Variants in UBE4B observed in about 807,000 individuals in gnomAD.
The protein encoded by UBE4B is ubiquitin conjugation factor E4 B.
A neutral mutation model predicts 148.1 loss-of-function variants in UBE4B; 27 were observed. That is an observed-to-expected ratio of 0.18 (90% CI 0.13 to 0.25). The LOEUF is 0.25. Ranked by LOEUF, UBE4B falls within the 10% of genes least tolerant of loss-of-function variation. The pLI, the probability that UBE4B is intolerant of heterozygous loss-of-function variation, is 1.00. For synonymous variants in UBE4B, 596 were observed against 619.3 expected (o/e 0.96, Z 0.56); for missense variants, 1,170 against 1,662.4 (o/e 0.70, Z 5.15).
chr1:10,107,718 C>T (rs1262089048), intron 7 of UBE4B, among the ~76,000 whole-genome samples: 1 of 151,842 alleles, frequency 6.6e-6, no homozygotes, highest in African/African-American at 2.4e-5. Flanking sequence ...GCTGGGATTA[C>T]AGGCACCCGC....
chr1:10,053,005 C>T (rs1394784018), intron 1 of UBE4B, among the ~76,000 whole-genome samples: 1 of 152,058 alleles, frequency 6.6e-6, no homozygotes, highest in Non-Finnish European at 1.5e-5. Context: ...GGCATTAATC[C>T]GCAGGTCATC....
At chr1:10,179,298 A>C in intron 26 of UBE4B, 118 bp from the exon 27 acceptor site, 7 of 1,286,276 alleles carry the variant, frequency 5.4e-6, no homozygotes, top group African/African-American at 1.5e-5. Flanking sequence ...GGGGCCTCAC[A>C]GGGGCCCTTT....
chr1:10,122,896 A>G (rs1645432964), intron 10 of UBE4B, among the ~76,000 whole-genome samples: 1 of 152,178 alleles, frequency 6.6e-6, no homozygotes, highest in African/African-American at 2.4e-5. Context: ...ACCTAAGATT[A>G]TTTATAACTG....
At chr1:10,111,532 TTCA>T (rs1431000551) in intron 7 of UBE4B, among the ~76,000 whole-genome samples, 1 of 152,176 alleles carries the variant, frequency 6.6e-6, no homozygotes, top group African/African-American at 2.4e-5. Context: ...ACCGTCGTTC[TTCA>T]TCCGCCTGGT....
At chr1:10,041,778 C>T (rs889077604) in intron 1 of UBE4B, among the ~76,000 whole-genome samples, 6 of 152,202 alleles carry the variant, frequency 3.9e-5, no homozygotes, top group African/African-American at 1.4e-4. Context: ...CTCACTGCAA[C>T]CTCCGCCTCC....
At chr1:10,035,829 C>T (rs1489742718) in intron 1 of UBE4B, among the ~76,000 whole-genome samples, 5 of 149,594 alleles carry the variant, frequency 3.3e-5, no homozygotes, top group African/African-American at 4.9e-5. Flanking sequence ...TGCAAAGCTC[C>T]GCTTCCCGGG....
At chr1:10,107,576 CTTTTTTTT>C (rs60975850) in intron 7 of UBE4B, among the ~76,000 whole-genome samples, 2 of 128,288 alleles carry the variant, frequency 1.6e-5, no homozygotes, top group Non-Finnish European at 3.2e-5. Flanking sequence ...TTCTTTCTTT[CTTTTTTTT>C]TTTTTTTTTT....
chr1:10,122,717 A>G (rs1359989617), intron 10 of UBE4B, among the ~76,000 whole-genome samples: 3 of 152,246 alleles, frequency 2.0e-5, no homozygotes, highest in Non-Finnish European at 2.9e-5. Flanking sequence ...CCTGTTTGGG[A>G]AAGTAAGCAC....
At chr1:10,178,542 G>T in intron 25 of UBE4B, 102 bp from the exon 26 acceptor site, 1 of 1,245,874 alleles carries the variant, frequency 8.0e-7, no homozygotes, top group South Asian at 1.8e-5. Context: ...TTTTTTAGTG[G>T]GGGAAAATCC....
Position 10,105,448 on chromosome 1 carries a change from T to C in UBE4B, c.581-68T>C, listed in dbSNP as rs1645089749. On this transcript the variant is annotated intron_variant, in intron 5 of 27. Transcript: ENST00000343090. The stretch of plus-strand genomic sequence containing the variant: ...TCGAACCATTTGGGGTCAGCTGGCT[T>C]ATTCAAGGGCTGTGTAACCTGTGTT... 3.5e-6 allele frequency: 5 copies of C among 1,424,074 alleles called. No homozygotes were observed. In the Admixed American group the frequency reaches 8.4e-5, roughly 24 times the overall value. 88.2% of individuals were successfully genotyped at this position (1,424,074 alleles called of 1,614,324 possible). A position where few individuals can be genotyped will look rare whatever the true frequency, so the allele number is the denominator to read the frequency against.
intron 26 of UBE4B, chr1:10,179,119 A>G: frequency 2.1e-6 from 1 of 482,112 alleles, no homozygotes; most frequent in Non-Finnish European, 3.6e-6. Context: ...TAAGACAAAG[A>G]ATTCCAGCCT....
In UBE4B at chr1:10,173,661, G is replaced by A. The variant is rs532317999; in HGVS notation, c.3525+2332G>A. 7.8e-4 allele frequency among the ~76,000 whole-genome samples: 118 copies of A among 152,228 alleles called. 1 individual carries two copies. Among genetic ancestry groups the A allele is most frequent in the Admixed American group, 3.0e-3 (46 of 15,292 alleles). On this transcript the variant is annotated intron_variant, in intron 25 of 27. Transcript: ENST00000343090. ...GGGTCCACACCTGACTGTAGCTGGC[G>A]TCTCCAGCCCAGCCAGAGGTCGGTG...
intron 18 of UBE4B, among the ~76,000 whole-genome samples, chr1:10,146,583 G>A (rs900805798): frequency 2.6e-5 from 4 of 152,138 alleles, no homozygotes; most frequent in Admixed American, 6.6e-5. Context: ...TTGCCCGAGG[G>A]CAGCTCGTAA....
chr1:10,139,872 G>T (rs965015394), intron 17 of UBE4B, among the ~76,000 whole-genome samples: 4 of 152,268 alleles, frequency 2.6e-5, no homozygotes, highest in African/African-American at 9.6e-5. Context: ...GGGATTACAG[G>T]CATGTGCCAC....
At chr1:10,149,422 A>G (rs1645934856) in intron 20 of UBE4B, 140 bp downstream of exon 20, 1 of 604,666 alleles carries the variant, frequency 1.7e-6, no homozygotes, top group East Asian at 3.2e-5. Context: ...TAGAGACTGG[A>G]AAAAATAAAT....
In UBE4B at chr1:10,053,747, G is replaced by C. The variant is rs377088763; in HGVS notation, c.25-18281G>C. 3.8e-4 allele frequency among the ~76,000 whole-genome samples: 58 copies of C among 152,204 alleles called. 1 individual carries two copies. In the South Asian group the frequency reaches 0.011, roughly 29 times the overall value. The stretch of plus-strand genomic sequence containing the variant: ...CCAGGCTAGAGTGCAGGAGTGCAGT[G>C]GCGTGATCACGGCTCACTTGCAGCC... On this transcript the variant is annotated intron_variant, in intron 1 of 27. Transcript: ENST00000343090.
rs1435933331 is a variant in UBE4B, at chr1:10,050,427, C to T, written c.24+16733C>T. ...ATAGCCAAATGTGTGACCCCAAGCTCTCCAAAACCACTAAGGGTCTGCAGC... is the reference window on the plus strand; with the variant it reads ...ATAGCCAAATGTGTGACCCCAAGCTTTCCAAAACCACTAAGGGTCTGCAGC... On this transcript the variant is annotated intron_variant, in intron 1 of 27. Transcript: ENST00000343090. 2.6e-5 allele frequency among the ~76,000 whole-genome samples: 4 copies of T among 152,188 alleles called. No individual in the cohort carries two copies. The East Asian group carries it at 7.7e-4, about 29-fold the overall frequency.
chr1:10,086,157 G>A lies in UBE4B; in HGVS notation c.212-9304G>A, dbSNP rs995051524. On this transcript the variant is annotated intron_variant, in intron 2 of 27. Transcript: ENST00000343090. ...AGGCTAATTTTTTGTATTTTTAGTA[G>A]AGATGGGGTTTCACCGTGTTAGCCA... Among the ~76,000 whole-genome samples, 6 of 152,172 alleles carry A rather than the reference G, an allele frequency of 3.9e-5. No individual in the cohort carries two copies. In the East Asian group the frequency reaches 1.2e-3, roughly 29 times the overall value.
At chr1:10,146,863 A>T (rs768052659) in intron 18 of UBE4B, 100 bp from the exon 19 acceptor site, 19 of 1,458,730 alleles carry the variant, frequency 1.3e-5, no homozygotes, top group Non-Finnish European at 1.7e-5. Flanking sequence ...AAGCTCTGGA[A>T]CCCAAATTTC....
Sources: gnomAD v4.1 joint callset for allele counts (sites outside exome capture counted in the v4.1 genomes callset) on GRCh38, gnomAD v4.1.1 for gene constraint, MANE v1.5 for transcripts, NCBI Gene and HGNC (gene_info 2026-07-23, HGNC 2026-07-21) for gene names.